The following MFHAS1 variants were observed in gnomAD, a reference collection of about 807,000 sequenced individuals.
MFHAS1 encodes the protein malignant fibrous histiocytoma-amplified sequence 1.
A neutral mutation model predicts 70.4 loss-of-function variants in MFHAS1; 50 were observed. The observed-to-expected ratio is 0.71, with a 90% CI of 0.57 to 0.90. The LOEUF (loss-of-function observed/expected upper bound fraction) is 0.90, where lower values mean the gene tolerates loss of function less well. MFHAS1 is among the 40% of genes least tolerant of loss of function. The probability of loss-of-function intolerance (pLI) is 0.00; values close to 1 mark genes in which losing one functional copy is unlikely to be tolerated. For synonymous variants in MFHAS1, 952 were observed against 620.0 expected (o/e 1.54, Z -7.96); for missense variants, 1,795 against 1,347.6 (o/e 1.33, Z -5.20).
rs756057812 is a variant in MFHAS1, at chr8:8,785,983, T to C, written c.*39A>G. The C allele has an allele frequency of 3.1e-6, 5 of 1,610,656 alleles. No homozygotes were observed. The highest frequency in any genetic ancestry group is 4.5e-5 in the East Asian group (2 of 44,856). On this transcript the variant is annotated 3_prime_UTR_variant, in exon 3 of 3. Coordinates refer to ENST00000276282, the MANE Select transcript of MFHAS1 (RefSeq NM_004225.3). ...GCAAAAGATGGTCCAGGTGTTCAGATGCTCTCTTTTCTCCATGGAAATTCC... is the reference window on the plus strand; with the variant it reads ...GCAAAAGATGGTCCAGGTGTTCAGACGCTCTCTTTTCTCCATGGAAATTCC...
At chr8:8,815,614 C>T (rs1431079149) in intron 1 of MFHAS1, among the ~76,000 whole-genome samples, 1 of 152,128 alleles carries the variant, frequency 6.6e-6, no homozygotes, top group Non-Finnish European at 1.5e-5. Flanking sequence ...TTTCTAATGA[C>T]CAGTGATGTT....
intron 1 of MFHAS1, among the ~76,000 whole-genome samples, chr8:8,816,311 C>A (rs915915768): frequency 1.3e-5 from 2 of 152,154 alleles, no homozygotes; most frequent in African/African-American, 4.8e-5. Context: ...AGTTATATCT[C>A]AATTACAAAC....
intron 1 of MFHAS1, among the ~76,000 whole-genome samples, chr8:8,883,565 G>C (rs949686643): frequency 6.6e-6 from 1 of 151,574 alleles, no homozygotes; most frequent in African/African-American, 2.4e-5. Flanking sequence ...AAAATTAGCT[G>C]GGCGTGGTGG....
At chr8:8,813,505 A>G (rs1255694372) in intron 1 of MFHAS1, among the ~76,000 whole-genome samples, 1 of 152,234 alleles carries the variant, frequency 6.6e-6, no homozygotes, top group African/African-American at 2.4e-5. Flanking sequence ...AGACAGTGAT[A>G]TTGATGATCC....
chr8:8,867,589 T>G (rs1371974917), intron 1 of MFHAS1, among the ~76,000 whole-genome samples: 1 of 151,738 alleles, frequency 6.6e-6, no homozygotes, highest in Non-Finnish European at 1.5e-5. Context: ...AGGTGGAGTC[T>G]CGCTGTCTCC....
In MFHAS1 at chr8:8,891,585, G is replaced by C. The variant is rs754931910; in HGVS notation, c.1474C>G (p.Leu492Val). Residue 492 changes from leucine to valine, a missense_variant, in exon 1 of 3, where the codon CTG (leucine) becomes GTG (valine). By Grantham distance (32) the Leu-to-Val change is conservative. Coordinates refer to ENST00000276282, the MANE Select transcript of MFHAS1 (RefSeq NM_004225.3). The surrounding 1 kb of genome is among the most constrained non-coding windows in gnomAD (Gnocchi z 5.4). Reference protein sequence around the residue: ...ESYEVIQPFFLSPGALYVLVV... With the variant: ...ESYEVIQPFFVSPGALYVLVV... ...AGCACGTATAGGGCCCCTGGGGACA[G>C]GAAGAAGGGCTGGATCACCTCATAA... is the stretch of plus-strand genomic sequence containing the variant. 9.9e-6 allele frequency: 16 copies of C among 1,613,246 alleles called. No homozygotes were observed. The highest frequency in any genetic ancestry group is 1.3e-5 in the African/African-American group (1 of 74,940).
chr8:8,868,528 T>C (rs184271650), intron 1 of MFHAS1, among the ~76,000 whole-genome samples: 5 of 151,924 alleles, frequency 3.3e-5, no homozygotes, highest in Admixed American at 2.6e-4. Context: ...ATATGCACAG[T>C]AGGCCTGGGC....
At chr8:8,809,612 C>T (rs1277760150) in intron 1 of MFHAS1, among the ~76,000 whole-genome samples, 1 of 152,164 alleles carries the variant, frequency 6.6e-6, no homozygotes, top group Non-Finnish European at 1.5e-5. Flanking sequence ...TACAAATCCA[C>T]CCAAGAAAGG....
chr8:8,794,899 G>A (rs1243751375), intron 2 of MFHAS1, among the ~76,000 whole-genome samples: 1 of 152,304 alleles, frequency 6.6e-6, no homozygotes, highest in African/African-American at 2.4e-5. Flanking sequence ...TCGAGAGAGA[G>A]GCTGATAACA....
chr8:8,883,837 T>A (rs1254851662), intron 1 of MFHAS1, among the ~76,000 whole-genome samples: 1 of 151,772 alleles, frequency 6.6e-6, no homozygotes. Context: ...AATACAGAGT[T>A]AAAGCCCCTC....
intron 1 of MFHAS1, among the ~76,000 whole-genome samples, chr8:8,879,878 C>T (rs968575697): frequency 3.9e-5 from 6 of 152,202 alleles, no homozygotes; most frequent in African/African-American, 1.2e-4. Context: ...ACATTTGTAT[C>T]ACTGCCACCA....
In MFHAS1 at chr8:8,890,996, C is replaced by A; in HGVS notation, c.2063G>T (p.Arg688Leu). The A allele has an allele frequency of 6.2e-7, 1 of 1,613,886 alleles. No individual in the cohort carries two copies. Among genetic ancestry groups the A allele is most frequent in the Non-Finnish European group, 8.5e-7 (1 of 1,179,972 alleles). ...GGTCAGACCCGCCTGCAGGCCCAAG[C>A]GCGCCGAGTCCCACCAGCTTAGCCA... is the stretch of plus-strand genomic sequence containing the variant. ...RLWLSWWDSA[R>L]LGLQAGLTED... The change falls in exon 1 of 3, where the codon CGC becomes CTC. Residue 688 changes from arginine (R) to leucine (L), a missense_variant. Coordinates refer to ENST00000276282, the MANE Select transcript of MFHAS1 (RefSeq NM_004225.3).
rs112040106 is a variant in MFHAS1 at position 8,805,843 on chromosome 8, G to A, written c.2999-8352C>T. 4.7e-3 allele frequency among the ~76,000 whole-genome samples: 711 copies of A among 152,108 alleles called. 4 individuals carry two copies. The highest frequency in any genetic ancestry group is 0.015 in the African/African-American group (643 of 41,498). ...CTCCCAAATAGCTGGGATTACAGGC[G>A]CGCACCACCATGACTGGCTAATTTT... On this transcript the variant is annotated intron_variant, in intron 1 of 2. Coordinates refer to ENST00000276282, the MANE Select transcript of MFHAS1 (RefSeq NM_004225.3).
rs116809329 is a variant in MFHAS1 at position 8,847,613 on chromosome 8, G to A, written c.2998+42448C>T. On this transcript the variant is annotated intron_variant, in intron 1 of 2. Transcript: ENST00000276282. ...GGTTATATACTAAGAAATAAAAAGAGCCCTATGCTTAGAATTGTCATTTAC... is the reference window on the plus strand; with the variant it reads ...GGTTATATACTAAGAAATAAAAAGAACCCTATGCTTAGAATTGTCATTTAC... Among the ~76,000 whole-genome samples the A allele has an allele frequency of 6.7e-3, 1,017 of 152,274 alleles. 16 individuals carry two copies. The highest frequency in any genetic ancestry group is 0.023 in the African/African-American group (969 of 41,578).
chr8:8,853,467 A>T (rs10100340), intron 1 of MFHAS1, among the ~76,000 whole-genome samples: 5 of 34,940 alleles, frequency 1.4e-4, no homozygotes, highest in East Asian at 3.1e-4. Flanking sequence ...GCTCATTCTT[A>T]AAAAAAAAAA....
At position 8,882,219 on chromosome 8, in the gene MFHAS1, TA is replaced by T. The variant is rs568478411; in HGVS notation, c.2998+7841del. On this transcript the variant is annotated intron_variant, in intron 1 of 2. Coordinates refer to ENST00000276282, the MANE Select transcript of MFHAS1 (RefSeq NM_004225.3). Reference sequence around the variant, plus strand: ...AACATAGTGAAACCCCCATCTCTACTAAAAAAAAACACACACAAAAATTAGC... The same window carrying T: ...AACATAGTGAAACCCCCATCTCTACTAAAAAAAACACACACAAAAATTAGC... Among the ~76,000 whole-genome samples the T allele has an allele frequency of 6.3e-3, 954 of 150,482 alleles. 30 individuals carry two copies. The highest frequency in any genetic ancestry group is 0.05 in the Admixed American group (749 of 15,088).
rs1292188628 is a variant in MFHAS1, at chr8:8,832,876, T to C, written c.2999-35385A>G. Reference sequence around the variant, plus strand: ...GAATTTTTACAAACTATTGGTCGAATTGTGTAGTAGCCCATTCTTACACTG... The same window carrying C: ...GAATTTTTACAAACTATTGGTCGAACTGTGTAGTAGCCCATTCTTACACTG... On this transcript the variant is annotated intron_variant, in intron 1 of 2. Coordinates refer to ENST00000276282, the MANE Select transcript of MFHAS1 (RefSeq NM_004225.3). Among the ~76,000 whole-genome samples the C allele has an allele frequency of 2.6e-5, 4 of 152,300 alleles. No individual in the cohort carries two copies. The East Asian group carries it at 7.7e-4, about 29-fold the overall frequency.
chr8:8,872,914 C>T (rs1809134338), intron 1 of MFHAS1, among the ~76,000 whole-genome samples: 1 of 152,158 alleles, frequency 6.6e-6, no homozygotes, highest in Non-Finnish European at 1.5e-5. Flanking sequence ...ACACCTGCTC[C>T]ATCCCAGACA....
chr8:8,815,662 A>G (rs1308751753), intron 1 of MFHAS1, among the ~76,000 whole-genome samples: 2 of 152,184 alleles, frequency 1.3e-5, no homozygotes, highest in East Asian at 3.9e-4. Flanking sequence ...GCCTACTAGA[A>G]TTTATAAAAT....
Sources: gnomAD v4.1 joint callset for allele counts (sites outside exome capture counted in the v4.1 genomes callset) on GRCh38, gnomAD v4.1.1 for gene constraint, Gnocchi (gnomAD v3.1) non-coding constraint, MANE v1.5 for transcripts, NCBI Gene and HGNC (gene_info 2026-07-23, HGNC 2026-07-21) for gene names.